The following TRPM3 variants were observed in gnomAD, a reference collection of about 807,000 sequenced individuals.
TRPM3 encodes long transient receptor potential channel 3.
A neutral mutation model predicts 181.2 loss-of-function variants in TRPM3; 77 were observed. That is an observed-to-expected ratio of 0.42 (90% CI 0.35 to 0.51). The LOEUF (loss-of-function observed/expected upper bound fraction) is 0.51. Among genes scored for constraint, TRPM3 ranks in the 20% least tolerant of loss-of-function variants. The pLI is 0.01. For synonymous variants in TRPM3, 745 were observed against 796.4 expected (o/e 0.94, Z 1.09); for missense variants, 1,759 against 2,196.7 (o/e 0.80, Z 3.98).
chr9:71,362,950 G>C (rs2092211024), intron 1 of TRPM3, among the ~76,000 whole-genome samples: 1 of 152,142 alleles, frequency 6.6e-6, no homozygotes, highest in Non-Finnish European at 1.5e-5. Context: ...AGAATATAAA[G>C]AGTGATTCTT....
intron 1 of TRPM3, among the ~76,000 whole-genome samples, chr9:71,159,087 A>G (rs545869938): frequency 7.8e-6 from 1 of 128,422 alleles, no homozygotes; most frequent in East Asian, 2.3e-4. Context: ...GTGTGAGCCT[A>G]TATTATATAT....
At chr9:70,697,662 T>C (rs1188785064) in intron 8 of TRPM3, among the ~76,000 whole-genome samples, 1 of 152,196 alleles carries the variant, frequency 6.6e-6, no homozygotes, top group Admixed American at 6.5e-5. Flanking sequence ...CTGTTTCTCT[T>C]AAGATTGTTT....
intron 1 of TRPM3, among the ~76,000 whole-genome samples, chr9:71,182,454 A>G (rs1283041619): frequency 6.6e-6 from 1 of 152,128 alleles, no homozygotes; most frequent in African/African-American, 2.4e-5. Context: ...GCAAAACCTG[A>G]CAATTTCCTT....
chr9:70,835,312 C>CT (rs34725105), intron 5 of TRPM3, among the ~76,000 whole-genome samples: 38 of 150,578 alleles, frequency 2.5e-4, no homozygotes, highest in South Asian at 4.2e-4. Context: ...TTTTGAGGTA[C>CT]TTTTTTTTTT....
At chr9:71,075,080 A>G (rs1384519432) in intron 1 of TRPM3, among the ~76,000 whole-genome samples, 6 of 152,162 alleles carry the variant, frequency 3.9e-5, no homozygotes, top group Non-Finnish European at 8.8e-5. Context: ...ACTTCTAGTC[A>G]TTCCACAATG....
At chr9:71,181,211 T>C (rs2077381392) in intron 1 of TRPM3, among the ~76,000 whole-genome samples, 1 of 152,156 alleles carries the variant, frequency 6.6e-6, no homozygotes, top group African/African-American at 2.4e-5. Context: ...TCTGTCCATG[T>C]TCACTTTTAA....
At position 70,534,540 on chromosome 9, in the gene TRPM3, T is replaced by A. The variant is rs1179410735; in HGVS notation, c.*1413A>T. The A allele has an allele frequency of 6.6e-6, 1 of 152,232 alleles. No homozygotes were observed. Among genetic ancestry groups the A allele is most frequent in the Non-Finnish European group, 1.5e-5 (1 of 68,034 alleles). 9.4% of individuals were successfully genotyped at this position (152,232 alleles called of 1,614,324 possible). On this transcript the variant is annotated 3_prime_UTR_variant, in exon 26 of 26. Coordinates refer to ENST00000677713, the MANE Select transcript of TRPM3 (RefSeq NM_001366145.2). ...CTCTGCATAAATGCATATACATGTG[T>A]ATAAGTGGCATATACTATAGAACTC...
intron 1 of TRPM3, among the ~76,000 whole-genome samples, chr9:71,159,404 C>T (rs774106323): frequency 5.3e-5 from 8 of 152,074 alleles, no homozygotes; most frequent in Non-Finnish European, 7.4e-5. Context: ...AAATAAGGCT[C>T]GGCTACTCCA....
chr9:70,864,232 C>T (rs1166283833), intron 2 of TRPM3, among the ~76,000 whole-genome samples, 200 bp downstream of exon 2: 5 of 151,898 alleles, frequency 3.3e-5, no homozygotes, highest in Non-Finnish European at 7.4e-5. Flanking sequence ...TTTTCTTTAT[C>T]GGCTCTTAGA....
intron 18 of TRPM3, 86 bp from the exon 19 acceptor site, chr9:70,610,835 A>T (rs1457105640): frequency 1.6e-5 from 24 of 1,516,650 alleles, no homozygotes; most frequent in Non-Finnish European, 2.1e-5. Context: ...TGAGGAAAGG[A>T]TGCTCATAGA....
intron 25 of TRPM3, among the ~76,000 whole-genome samples, chr9:70,542,888 T>G (rs2131681061): frequency 6.6e-6 from 1 of 152,328 alleles, no homozygotes; most frequent in South Asian, 2.1e-4. Context: ...AAACTCTTGC[T>G]TATCCACAGA....
intron 1 of TRPM3, among the ~76,000 whole-genome samples, chr9:71,106,443 C>G: frequency 6.6e-6 from 1 of 152,060 alleles, no homozygotes. Context: ...GGCACCTCCT[C>G]CCTCACTTTC....
chr9:70,580,639 GC>G (rs2055398700), intron 22 of TRPM3, among the ~76,000 whole-genome samples: 1 of 152,158 alleles, frequency 6.6e-6, no homozygotes, highest in Non-Finnish European at 1.5e-5. Flanking sequence ...CACCAGGCAT[GC>G]TCTGTCATGC....
At chr9:70,862,183 G>GC (rs1276196022) in intron 3 of TRPM3, among the ~76,000 whole-genome samples, 24 of 152,214 alleles carry the variant, frequency 1.6e-4, no homozygotes, top group African/African-American at 5.3e-4. Context: ...ACAGTTAGAA[G>GC]CAAGCTTGTT....
intron 1 of TRPM3, among the ~76,000 whole-genome samples, chr9:71,239,782 G>T (rs1447500480): frequency 6.6e-6 from 1 of 151,890 alleles, no homozygotes; most frequent in Non-Finnish European, 1.5e-5. Context: ...CTTAAAAAAG[G>T]GAAATTAAAT....
At chr9:71,093,161 G>A (rs510213) in intron 1 of TRPM3, among the ~76,000 whole-genome samples, 36,096 of 151,940 alleles carry the variant, frequency 0.24, 5,062 homozygotes, top group East Asian at 0.4. Flanking sequence ...ATACCATTCC[G>A]GACATAGGCA....
chr9:70,755,026 A>G (rs186477948), intron 8 of TRPM3, among the ~76,000 whole-genome samples: 1 of 152,304 alleles, frequency 6.6e-6, no homozygotes, highest in Non-Finnish European at 1.5e-5. Flanking sequence ...CATGTACATA[A>G]GTAGTCCCTC....
At chr9:71,162,294 A>C (rs4745061) in intron 1 of TRPM3, among the ~76,000 whole-genome samples, 77,135 of 151,640 alleles carry the variant, frequency 0.51, 22,683 homozygotes, top group East Asian at 0.72. Flanking sequence ...ATAAAATACA[A>C]TGCTTCCGGC....
intron 1 of TRPM3, among the ~76,000 whole-genome samples, chr9:71,296,412 T>C (rs17056676): frequency 0.065 from 9,934 of 152,232 alleles, 416 homozygotes; most frequent in Admixed American, 0.13. Flanking sequence ...TCTCTAAGAA[T>C]GTAACATTTG....
Sources: allele counts gnomAD v4.1 joint callset (sites outside exome capture counted in the v4.1 genomes callset), GRCh38; gene constraint gnomAD v4.1.1; transcripts MANE v1.5; gene names NCBI Gene and HGNC (gene_info 2026-07-23, HGNC 2026-07-21).